The following TRIM2 variants were observed in gnomAD, a reference collection of about 807,000 sequenced individuals.
TRIM2 encodes tripartite motif-containing protein 2.
In TRIM2, 20 loss-of-function variants were observed where a neutral mutation model predicts 75.2. That is an observed-to-expected ratio of 0.27 (90% CI 0.19 to 0.39). The LOEUF (loss-of-function observed/expected upper bound fraction) is 0.39, where lower values mean the gene tolerates loss of function less well. TRIM2 is among the 10% of genes least tolerant of loss of function. The pLI is 1.00. For missense variants in TRIM2, 660 were observed against 990.8 expected (o/e 0.67, Z 4.48); for synonymous variants, 373 against 388.3 (o/e 0.96, Z 0.46).
chr4:153,166,514 T>TTTCCTTCC (rs538452595), intron 1 of TRIM2, among the ~76,000 whole-genome samples: 1 of 65,322 alleles, frequency 1.5e-5, no homozygotes, highest in Non-Finnish European at 4.9e-5. Flanking sequence ...CCTCTTTTCT[T>TTTCCTTCC]TTCCTTCCTT....
chr4:153,188,527 C>T (rs75451396), intron 1 of TRIM2, among the ~76,000 whole-genome samples: 3 of 152,308 alleles, frequency 2.0e-5, no homozygotes, highest in East Asian at 3.9e-4. Context: ...GTCTATTAGC[C>T]TTGTTCTTCC....
Position 153,334,801 on chromosome 4 carries a change from T to C in TRIM2, c.2164-13T>C. The C allele has an allele frequency of 6.2e-7, 1 of 1,603,686 alleles. No individual in the cohort carries two copies. The highest frequency in any genetic ancestry group is 8.5e-7 in the Non-Finnish European group (1 of 1,172,142). ...CTTCTCCTATAACATTCTGACTTCC[T>C]ATTTGTTTACAGGTTTTTGATGGGA... On this transcript the variant is annotated splice_polypyrimidine_tract_variant and intron_variant, in intron 11 of 11. Transcript: ENST00000338700.
chr4:153,212,206 C>T (rs967539644), intron 1 of TRIM2, among the ~76,000 whole-genome samples: 1 of 152,102 alleles, frequency 6.6e-6, no homozygotes, highest in Non-Finnish European at 1.5e-5. Context: ...ACTACTCAGC[C>T]ATAAAAAGAA....
intron 10 of TRIM2, among the ~76,000 whole-genome samples, chr4:153,326,274 T>C (rs1770151425): frequency 6.6e-6 from 1 of 152,220 alleles, no homozygotes; most frequent in South Asian, 2.1e-4. Flanking sequence ...TTCTTAATAT[T>C]CTGAAAACTC....
chr4:153,325,163 A>G (rs1322777378), intron 10 of TRIM2, among the ~76,000 whole-genome samples: 1 of 152,178 alleles, frequency 6.6e-6, no homozygotes, highest in Non-Finnish European at 1.5e-5. Context: ...ACTCTCTGTG[A>G]TGTCCTTTCT....
chr4:153,226,658 C>T (rs1359936215), intron 1 of TRIM2, among the ~76,000 whole-genome samples: 1 of 152,190 alleles, frequency 6.6e-6, no homozygotes, highest in Non-Finnish European at 1.5e-5. Context: ...GAGTTGCTGA[C>T]CTACTTATCT....
At chr4:153,322,625 A>G in intron 8 of TRIM2, 23 bp from the exon 9 acceptor site, 1 of 1,610,770 alleles carries the variant, frequency 6.2e-7, no homozygotes, top group Non-Finnish European at 8.5e-7. Context: ...CTGTACTTCT[A>G]TTTCTGTACT....
chr4:153,232,061 A>T (rs987265695), intron 1 of TRIM2, among the ~76,000 whole-genome samples: 2 of 152,242 alleles, frequency 1.3e-5, no homozygotes, highest in Non-Finnish European at 2.9e-5. Flanking sequence ...TATGAAAAAA[A>T]ACCAAAATCC....
upstream of TRIM2, among the ~76,000 whole-genome samples, chr4:153,200,896 C>G (rs1290615170): frequency 6.6e-6 from 1 of 151,496 alleles, no homozygotes; most frequent in Non-Finnish European, 1.5e-5. Flanking sequence ...AAGTGATCCT[C>G]CTGCCTTAGC....
At chr4:153,152,359 G>C (rs2149578671), upstream of TRIM2, 1 of 150,940 alleles carries the variant, frequency 6.6e-6, no homozygotes, top group African/African-American at 2.4e-5. Context: ...CGTGGTCGCC[G>C]GGCTGCCGTG....
At chr4:153,303,545 A>G (rs565061420) in intron 6 of TRIM2, among the ~76,000 whole-genome samples, 3 of 152,270 alleles carry the variant, frequency 2.0e-5, no homozygotes, top group East Asian at 3.9e-4. Context: ...ATGTGATAAC[A>G]GAACATTTAT....
At chr4:153,284,043 T>A (rs1281614801) in intron 3 of TRIM2, among the ~76,000 whole-genome samples, 1 of 150,240 alleles carries the variant, frequency 6.7e-6, no homozygotes, top group African/African-American at 2.4e-5. Flanking sequence ...CTAATTTTTG[T>A]ATTTTTTTTT....
At chr4:153,171,986 A>G (rs1488943595) in intron 1 of TRIM2, among the ~76,000 whole-genome samples, 1 of 152,042 alleles carries the variant, frequency 6.6e-6, no homozygotes, top group Non-Finnish European at 1.5e-5. Flanking sequence ...ATTTTTAAAT[A>G]TAATGTAATA....
intron 6 of TRIM2, among the ~76,000 whole-genome samples, chr4:153,303,880 C>T (rs1764445841): frequency 6.6e-6 from 1 of 152,128 alleles, no homozygotes. Context: ...ATTATCCAGC[C>T]TTCTAGTTGG....
chr4:153,155,924 G>C (rs1357113078), intron 1 of TRIM2, among the ~76,000 whole-genome samples: 1 of 152,218 alleles, frequency 6.6e-6, no homozygotes, highest in Non-Finnish European at 1.5e-5. Context: ...GGAGGGCCAG[G>C]ACCTGCTGGG....
Position 153,244,401 on chromosome 4 carries a change from TC to T in TRIM2, c.31-25933del, listed in dbSNP as rs1560875044. ...TTCTTCTTCTTCTTCTTCTTCTTCT[TC>T]TTCTTCTTCTTCTTCTTCTTCTTCT... On this transcript the variant is annotated intron_variant, in intron 1 of 11. Coordinates refer to ENST00000338700, the MANE Select transcript of TRIM2 (RefSeq NM_015271.5). 4.2e-3 allele frequency among the ~76,000 whole-genome samples: 375 copies of T among 88,310 alleles called. 73 individuals carry two copies. The highest frequency in any genetic ancestry group is 0.027 in the African/African-American group (342 of 12,820). 57.9% of individuals were successfully genotyped at this position (88,310 alleles called of 152,430 possible).
chr4:153,301,084 G>A (rs566345070), intron 6 of TRIM2, among the ~76,000 whole-genome samples: 1 of 151,878 alleles, frequency 6.6e-6, no homozygotes, highest in African/African-American at 2.4e-5. Flanking sequence ...CCAGCTACTC[G>A]GGAGGCTGAG....
chr4:153,315,979 T>G lies in TRIM2; in HGVS notation c.1762T>G (p.Ser588Ala). 6.3e-7 allele frequency: 1 copy of G among 1,575,476 alleles called. No homozygotes were observed. Among genetic ancestry groups the G allele is most frequent in the South Asian group, 1.2e-5 (1 of 85,826 alleles). Residue 588 changes from serine (S) to alanine (A), a missense_variant, in exon 8 of 12, where the codon TCC becomes GCC. Physicochemically the swap from Ser to Ala is moderately conservative, Grantham distance 99. Around this residue, in one of 2 missense-constraint regions of TRIM2, gnomAD observed 620 missense variants for 891.0 expected, o/e 0.70. Transcript: ENST00000338700. Reference protein sequence around the residue: ...DYDNKWVSIFSSDGKFKTKIG... With the variant: ...DYDNKWVSIFASDGKFKTKIG... ...TGATAATAAATGGGTCAGCATTTTCTCCTCCGATGGGAAATTTAAGGTAAG... is the reference window on the plus strand; with the variant it reads ...TGATAATAAATGGGTCAGCATTTTCGCCTCCGATGGGAAATTTAAGGTAAG...
chr4:153,330,674 C>G (rs1257168852), intron 11 of TRIM2, among the ~76,000 whole-genome samples: 1 of 152,122 alleles, frequency 6.6e-6, no homozygotes, highest in Non-Finnish European at 1.5e-5. Context: ...AAATTTAATA[C>G]CCATTCATGA....
Sources: allele counts gnomAD v4.1 joint callset (sites outside exome capture counted in the v4.1 genomes callset), GRCh38; gene constraint gnomAD v4.1.1; regional missense constraint gnomAD v4.1.1; transcripts MANE v1.5; gene names NCBI Gene and HGNC (gene_info 2026-07-23, HGNC 2026-07-21).